The following LYPLAL1 variants were observed in gnomAD, a reference collection of about 807,000 sequenced individuals.
LYPLAL1 encodes lysophospholipase like 1, also known as lysophospholipase-like protein 1.
LYPLAL1 carries 23 observed loss-of-function variants against 19.7 expected under a neutral mutation model. That is an observed-to-expected ratio of 1.17 (90% CI 0.84 to 1.65). The LOEUF (loss-of-function observed/expected upper bound fraction) is 1.65, where lower values mean the gene tolerates loss of function less well. Among genes scored for constraint, LYPLAL1 ranks in the 40% most tolerant of loss-of-function variants. The probability of loss-of-function intolerance (pLI) is 0.00; values close to 1 mark genes in which losing one functional copy is unlikely to be tolerated. For synonymous variants in LYPLAL1, 119 were observed against 96.3 expected (o/e 1.24, Z -1.38); for missense variants, 355 against 279.4 (o/e 1.27, Z -1.93).
chr1:219,248,164 G>C, the LYPLAL1 span, among the ~76,000 whole-genome samples: 1 of 152,114 alleles, frequency 6.6e-6, no homozygotes, highest in Non-Finnish European at 1.5e-5. Flanking sequence ...AGAGTCAAAT[G>C]CTCCAAGTGA....
chr1:219,361,456 CTG>C, the LYPLAL1 span, among the ~76,000 whole-genome samples: 2 of 152,262 alleles, frequency 1.3e-5, no homozygotes, highest in East Asian at 3.9e-4. Context: ...GTGTGTGCAT[CTG>C]TGTTTCAGTT....
At chr1:219,300,530 C>CT in the LYPLAL1 span, among the ~76,000 whole-genome samples, 1,493 of 81,968 alleles carry the variant, frequency 0.018, 79 homozygotes, top group African/African-American at 0.064. Context: ...TTTATCCTAA[C>CT]TTTTTTTTTT....
the LYPLAL1 span, among the ~76,000 whole-genome samples, chr1:219,328,066 C>T: frequency 5.9e-5 from 9 of 152,146 alleles, no homozygotes; most frequent in African/African-American, 1.7e-4. Context: ...TAAAGGTTTG[C>T]TTACACATGT....
At chr1:219,428,707 A>G in the LYPLAL1 span, among the ~76,000 whole-genome samples, 30 of 152,248 alleles carry the variant, frequency 2.0e-4, no homozygotes, top group Non-Finnish European at 4.0e-4. Flanking sequence ...TAATATTCAA[A>G]CAATCATCAT....
At chr1:219,206,086 T>C (rs1658548247) in intron 3 of LYPLAL1, among the ~76,000 whole-genome samples, 1 of 152,148 alleles carries the variant, frequency 6.6e-6, no homozygotes. Flanking sequence ...TTTCAGTTGA[T>C]AGCACACTTT....
At chr1:219,399,614 C>G in the LYPLAL1 span, among the ~76,000 whole-genome samples, 2 of 152,056 alleles carry the variant, frequency 1.3e-5, no homozygotes, top group Admixed American at 1.3e-4. Flanking sequence ...GCTATGGGGG[C>G]CACCCTGATG....
the LYPLAL1 span, among the ~76,000 whole-genome samples, chr1:219,219,540 TAAAAC>T: frequency 6.6e-6 from 1 of 152,198 alleles, no homozygotes; most frequent in East Asian, 1.9e-4. Flanking sequence ...CCCAGTTAGT[TAAAAC>T]AATTGAGTGC....
chr1:219,248,344 C>T, the LYPLAL1 span, among the ~76,000 whole-genome samples: 1 of 152,076 alleles, frequency 6.6e-6, no homozygotes, highest in Non-Finnish European at 1.5e-5. Flanking sequence ...ACACCTGGCT[C>T]TTTGTGAGAT....
intron 2 of LYPLAL1, among the ~76,000 whole-genome samples, chr1:219,191,406 A>C (rs1657171395): frequency 6.6e-6 from 1 of 151,604 alleles, no homozygotes; most frequent in Non-Finnish European, 1.5e-5. Context: ...TTATCATAGG[A>C]TATAATATAG....
chr1:219,397,494 G>C, the LYPLAL1 span, among the ~76,000 whole-genome samples: 3 of 152,078 alleles, frequency 2.0e-5, no homozygotes, highest in Non-Finnish European at 2.9e-5. Context: ...AATTGTACCA[G>C]CTCTTTGTGC....
chr1:219,238,871 A>G, the LYPLAL1 span, among the ~76,000 whole-genome samples: 39 of 152,328 alleles, frequency 2.6e-4, no homozygotes, highest in Admixed American at 9.2e-4. Flanking sequence ...TTAGGTAAAT[A>G]TGTTTTGGGC....
chr1:219,190,037 A>G (rs1196147440), intron 2 of LYPLAL1, among the ~76,000 whole-genome samples: 3 of 151,636 alleles, frequency 2.0e-5, no homozygotes, highest in Non-Finnish European at 3.0e-5. Flanking sequence ...AATTAACTTA[A>G]TAGATACTAA....
At chr1:219,401,295 TTAA>T in the LYPLAL1 span, among the ~76,000 whole-genome samples, 1 of 151,680 alleles carries the variant, frequency 6.6e-6, no homozygotes, top group Admixed American at 6.6e-5. Context: ...ACAAAAATTC[TTAA>T]TAATGTTTAT....
At chr1:219,410,868 G>A in the LYPLAL1 span, among the ~76,000 whole-genome samples, 39 of 152,356 alleles carry the variant, frequency 2.6e-4, no homozygotes, top group African/African-American at 8.2e-4. Context: ...ATTTCTCGCC[G>A]GGCCTTGGCT....
At chr1:219,228,976 G>T in the LYPLAL1 span, among the ~76,000 whole-genome samples, 5 of 152,086 alleles carry the variant, frequency 3.3e-5, no homozygotes, top group Non-Finnish European at 7.4e-5. Flanking sequence ...ACTGCGTCTG[G>T]CCATAAGCAA....
chr1:219,297,010 G>A, the LYPLAL1 span, among the ~76,000 whole-genome samples: 2 of 152,222 alleles, frequency 1.3e-5, no homozygotes, highest in African/African-American at 4.8e-5. Flanking sequence ...GGAAAAGTGA[G>A]TTAGATTTCT....
chr1:219,177,606 G>A (rs1372663666), intron 1 of LYPLAL1, among the ~76,000 whole-genome samples: 1 of 152,166 alleles, frequency 6.6e-6, no homozygotes, highest in East Asian at 1.9e-4. Flanking sequence ...AAGCCTGTTA[G>A]TCATCCATGA....
At chr1:219,201,252 T>C (rs1658073135) in intron 3 of LYPLAL1, among the ~76,000 whole-genome samples, 1 of 152,014 alleles carries the variant, frequency 6.6e-6, no homozygotes, top group African/African-American at 2.4e-5. Flanking sequence ...AAATAATTTC[T>C]GAGTTTAAGT....
chr1:219,268,918 A>G, the LYPLAL1 span, among the ~76,000 whole-genome samples: 1 of 152,322 alleles, frequency 6.6e-6, no homozygotes, highest in Admixed American at 6.5e-5. Context: ...CTTAGTAGCA[A>G]TACATGTGGT....
Sources: allele counts gnomAD v4.1 joint callset (sites outside exome capture counted in the v4.1 genomes callset), GRCh38; gene constraint gnomAD v4.1.1; transcripts MANE v1.5; gene names NCBI Gene and HGNC (gene_info 2026-07-23, HGNC 2026-07-21).